THEM4: variants seen among roughly 807,000 people sequenced by gnomAD.
The protein encoded by THEM4 is acyl-coenzyme A thioesterase THEM4.
A neutral mutation model predicts 25.0 loss-of-function variants in THEM4; 22 were observed. The observed-to-expected ratio is 0.88, with a 90% CI of 0.63 to 1.26. The LOEUF (loss-of-function observed/expected upper bound fraction) is 1.26. Among genes scored for constraint, THEM4 ranks in the 50% most tolerant of loss-of-function variants. The pLI is 0.00. For missense variants in THEM4, 286 were observed against 300.3 expected (o/e 0.95, Z 0.35); for synonymous variants, 113 against 105.6 (o/e 1.07, Z -0.43).
rs757644614 is a variant in THEM4 at position 151,874,922 on chromosome 1, A to C, written c.689T>G (p.Phe230Cys). 4 of 1,613,542 alleles carry C rather than the reference A, an allele frequency of 2.5e-6. No individual in the cohort carries two copies. The highest frequency in any genetic ancestry group is 1.7e-5 in the Admixed American group (1 of 60,006). The change falls in exon 6 of 6, where the codon TTT (phenylalanine) becomes TGT (cysteine). Residue 230 changes from phenylalanine to cysteine, a missense_variant. Transcript: ENST00000368814. ...ACTTTTAGCAGGATTCAGCTTTATA[A>C]ATAAGCCTAAACAAACAAAATAACA... The part of the protein sequence containing the change: ...KTLYSEATSL[F>C]IKLNPAKSLT
At chr1:151,900,673 A>T (rs544358310) in intron 1 of THEM4, among the ~76,000 whole-genome samples, 1 of 152,336 alleles carries the variant, frequency 6.6e-6, no homozygotes, top group African/African-American at 2.4e-5. Context: ...GGAGCTCCCA[A>T]ATTTATAAAA....
chr1:151,879,410 GTTC>G (rs1462479366), intron 4 of THEM4, among the ~76,000 whole-genome samples: 3 of 150,814 alleles, frequency 2.0e-5, no homozygotes, highest in Non-Finnish European at 3.0e-5. Context: ...TTTTTAAAAA[GTTC>G]TTTTTTTTTT....
At chr1:151,899,546 A>T (rs1047903521) in intron 1 of THEM4, among the ~76,000 whole-genome samples, 7 of 152,136 alleles carry the variant, frequency 4.6e-5, no homozygotes, top group Admixed American at 1.3e-4. Flanking sequence ...AACAATAAAA[A>T]ATTCAGGAAA....
At chr1:151,887,775 G>C (rs2101722078) in intron 4 of THEM4, among the ~76,000 whole-genome samples, 1 of 152,226 alleles carries the variant, frequency 6.6e-6, no homozygotes, top group East Asian at 1.9e-4. Flanking sequence ...GACGTGCACT[G>C]CTGGGCCCAG....
At chr1:151,877,718 C>A (rs1653715247) in intron 4 of THEM4, among the ~76,000 whole-genome samples, 1 of 152,126 alleles carries the variant, frequency 6.6e-6, no homozygotes, top group Non-Finnish European at 1.5e-5. Flanking sequence ...TGAAATGTGG[C>A]TAGCATAACT....
intron 4 of THEM4, among the ~76,000 whole-genome samples, chr1:151,879,231 G>T (rs2101716385): frequency 6.6e-6 from 1 of 152,236 alleles, no homozygotes; most frequent in East Asian, 1.9e-4. Context: ...GCGGAAGGAG[G>T]AGTCTCACTC....
intron 1 of THEM4, among the ~76,000 whole-genome samples, chr1:151,901,870 C>CA (rs1244027742): frequency 7.2e-5 from 11 of 151,958 alleles, no homozygotes; most frequent in African/African-American, 1.4e-4. Context: ...AAAAAAAAAA[C>CA]AAAAAAACCA....
intron 1 of THEM4, among the ~76,000 whole-genome samples, chr1:151,906,350 A>G (rs561599497): frequency 2.6e-5 from 4 of 152,226 alleles, no homozygotes; most frequent in Non-Finnish European, 5.9e-5. Flanking sequence ...TCGATTTCTC[A>G]CTGGGCCTTA....
chr1:151,897,682 C>G (rs1654253587), intron 1 of THEM4, among the ~76,000 whole-genome samples: 2 of 152,270 alleles, frequency 1.3e-5, no homozygotes, highest in South Asian at 4.2e-4. Context: ...ACTGCAAGAA[C>G]CAGCAATCCC....
In THEM4 at chr1:151,903,339, A is replaced by T. The variant is rs1308651295; in HGVS notation, c.99+6021T>A. Reference sequence around the variant, plus strand: ...TAAAAACAAAAACAAACAAAATTTTAAAAATCCCACAATTTTGCTTTCTAC... The same window carrying T: ...TAAAAACAAAAACAAACAAAATTTTTAAAATCCCACAATTTTGCTTTCTAC... On this transcript the variant is annotated intron_variant, in intron 1 of 5. Coordinates refer to ENST00000368814, the MANE Select transcript of THEM4 (RefSeq NM_053055.5). Among the ~76,000 whole-genome samples, 6 of 152,348 alleles carry T rather than the reference A, an allele frequency of 3.9e-5. No homozygotes were observed. In the East Asian group the frequency reaches 9.6e-4, roughly 24 times the overall value.
chr1:151,874,650 T>A lies in THEM4; in HGVS notation c.*238A>T. The A allele has an allele frequency of 1.7e-6, 1 of 572,442 alleles. No individual in the cohort carries two copies. Among genetic ancestry groups the A allele is most frequent in the South Asian group, 2.1e-5 (1 of 47,394 alleles). The allele number at this position is 572,442 out of a possible 1,614,324, so 35.5% of individuals were successfully genotyped here. ...TCGGCCTCCTAAAGTGCTGGGATTA[T>A]AGGTGTGAGCCACAGCGCCTGGCCC... On this transcript the variant is annotated 3_prime_UTR_variant, in exon 6 of 6. Transcript: ENST00000368814.
chr1:151,891,790 T>C (rs1233605056), intron 2 of THEM4, among the ~76,000 whole-genome samples: 1 of 152,020 alleles, frequency 6.6e-6, no homozygotes, highest in African/African-American at 2.4e-5. Flanking sequence ...AGCCACTGTG[T>C]AGATGCTCGA....
intron 1 of THEM4, among the ~76,000 whole-genome samples, chr1:151,899,998 T>A (rs1654317464): frequency 6.6e-6 from 1 of 152,196 alleles, no homozygotes; most frequent in Admixed American, 6.5e-5. Flanking sequence ...TGGGGCCCTA[T>A]CTTCAGCCTC....
rs1654198436 is a variant in THEM4, at chr1:151,895,195, C to T, written c.100-1G>A. ...TGACTTCCTCAGAAGAAAATGACCT[C>T]TAAAAGACAGAAGAAAAAGAAAAGT... On this transcript the variant is annotated splice_acceptor_variant, in intron 1 of 5. Coordinates refer to ENST00000368814, the MANE Select transcript of THEM4 (RefSeq NM_053055.5). LOFTEE classifies it high-confidence loss of function. 2 of 1,595,738 alleles carry T rather than the reference C, an allele frequency of 1.3e-6. No homozygotes were observed. Among genetic ancestry groups the T allele is most frequent in the Admixed American group, 1.9e-5 (1 of 53,294 alleles).
At position 151,878,338 on chromosome 1, in the gene THEM4, T is replaced by C. The variant is rs192854978; in HGVS notation, c.558-1213A>G. On this transcript the variant is annotated intron_variant, in intron 4 of 5. Coordinates refer to ENST00000368814, the MANE Select transcript of THEM4 (RefSeq NM_053055.5). Reference sequence around the variant, plus strand: ...TTGTGGGGGTGGGCACAGGCTGAAATAGTCAATCCTGGAACTTGTGCTGTA... The same window carrying C: ...TTGTGGGGGTGGGCACAGGCTGAAACAGTCAATCCTGGAACTTGTGCTGTA... Among the ~76,000 whole-genome samples the C allele has an allele frequency of 9.2e-5, 14 of 152,286 alleles. No individual in the cohort carries two copies. The East Asian group carries it at 9.7e-4, about 10-fold the overall frequency.
chr1:151,877,933 C>T (rs1653725828), intron 4 of THEM4, among the ~76,000 whole-genome samples: 1 of 152,084 alleles, frequency 6.6e-6, no homozygotes, highest in South Asian at 2.1e-4. Flanking sequence ...TATGGTACTA[C>T]CAAGCAGATG....
chr1:151,884,678 C>CT (rs1393102218), intron 4 of THEM4, among the ~76,000 whole-genome samples: 51 of 95,602 alleles, frequency 5.3e-4, no homozygotes, highest in African/African-American at 1.0e-3. Context: ...CTTTCATTTC[C>CT]TTTTTTTTGT....
intron 2 of THEM4, chr1:151,891,248 T>A (rs1654085591): frequency 6.6e-6 from 1 of 152,216 alleles, no homozygotes. Flanking sequence ...GGGATAGCAC[T>A]GAAAATAGCA....
At chr1:151,877,835 CAT>C (rs1558188025) in intron 4 of THEM4, among the ~76,000 whole-genome samples, 1 of 152,100 alleles carries the variant, frequency 6.6e-6, no homozygotes, top group African/African-American at 2.4e-5. Context: ...CCTGGAGAAA[CAT>C]ATCACAATGA....
Sources: allele counts gnomAD v4.1 joint callset (sites outside exome capture counted in the v4.1 genomes callset), GRCh38; gene constraint gnomAD v4.1.1; transcripts MANE v1.5; gene names NCBI Gene and HGNC (gene_info 2026-07-23, HGNC 2026-07-21).